The following AP2A1 variants were observed in gnomAD, a reference collection of about 807,000 sequenced individuals.
AP2A1 encodes adaptor related protein complex 2 subunit alpha 1.
AP2A1 carries 21 observed loss-of-function variants against 107.3 expected under a neutral mutation model. That is an observed-to-expected ratio of 0.20 (90% CI 0.14 to 0.28). AP2A1 has a LOEUF of 0.28. AP2A1 is among the 10% of genes least tolerant of loss of function. AP2A1 has a pLI of 1.00. For missense variants in AP2A1, 873 were observed against 1,307.7 expected (o/e 0.67, Z 5.13); for synonymous variants, 602 against 564.8 (o/e 1.07, Z -0.93).
chr19:49,782,734 TG>T lies in AP2A1; in HGVS notation c.473+14del. ...GCATCCTGGTGGCCGGGTAAGGCAC[TG>T]GGGACCCGTTGGCAGTGGGGGGCCT... On this transcript the variant is annotated intron_variant, in intron 4 of 22. Transcript: ENST00000354293. 2 of 1,585,270 alleles carry T rather than the reference TG, an allele frequency of 1.3e-6. No homozygotes were observed. The highest frequency in any genetic ancestry group is 8.5e-7 in the Non-Finnish European group (1 of 1,169,806).
intron 1 of AP2A1, among the ~76,000 whole-genome samples, chr19:49,776,125 C>G (rs555991193): frequency 6.6e-6 from 1 of 152,232 alleles, no homozygotes; most frequent in South Asian, 2.1e-4. Flanking sequence ...TCCCATGGCC[C>G]CCCCCAGCAC....
chr19:49,767,008 A>G lies in AP2A1; in HGVS notation c.-126A>G. 1.9e-6 allele frequency: 1 copy of G among 516,818 alleles called. No individual in the cohort carries two copies. Among genetic ancestry groups the G allele is most frequent in the Non-Finnish European group, 2.8e-6 (1 of 358,818 alleles). 32.0% of individuals were successfully genotyped at this position (516,818 alleles called of 1,614,324 possible). A position where few individuals can be genotyped will look rare whatever the true frequency, so the allele number is the denominator to read the frequency against. On this transcript the variant is annotated 5_prime_UTR_variant, in exon 1 of 23. Coordinates refer to ENST00000354293, the MANE Select transcript of AP2A1 (RefSeq NM_130787.3). Reference sequence around the variant, plus strand: ...CAGCCCGCCCGCCCGCCCGCCAGCCAGCCCTCCCCGCGGCCGGCTCGGCTC... The same window carrying G: ...CAGCCCGCCCGCCCGCCCGCCAGCCGGCCCTCCCCGCGGCCGGCTCGGCTC...
chr19:49,801,519 C>T lies in AP2A1; in HGVS notation c.1683C>T (p.Gly561=), dbSNP rs775031716. The T allele has an allele frequency of 4.3e-6, 7 of 1,613,688 alleles. No individual in the cohort carries two copies. The highest frequency in any genetic ancestry group is 1.1e-5 in the South Asian group (1 of 91,082). The change falls in exon 13 of 23, where the codon GGC becomes GGT. Residue 561 remains glycine (G), a synonymous_variant. Transcript: ENST00000354293. ...CCGAGACCAAGGCCACCATCCAGGG[C>T]GTCCTGCGGGCCGGCTCCCAGCTGC... is the stretch of plus-strand genomic sequence containing the variant. The part of the protein sequence containing the change: ...LFPETKATIQ[G]VLRAGSQLRN...
chr19:49,785,785 C>T lies in AP2A1; in HGVS notation c.473+3061C>T, dbSNP rs923182854. Among the ~76,000 whole-genome samples the T allele has an allele frequency of 1.5e-4, 23 of 151,948 alleles. No homozygotes were observed. The highest frequency in any genetic ancestry group is 2.0e-4 in the Admixed American group (3 of 15,238). ...TACAAAAATTAGTCAGGTGTGGTGG[C>T]GGGCACCTGTAATCCCAGCTACTTG... On this transcript the variant is annotated intron_variant, in intron 4 of 22. Transcript: ENST00000354293. The surrounding 1 kb of genome is among the most constrained non-coding windows in gnomAD (Gnocchi z 4.1).
rs778516695 is a variant in AP2A1 at position 49,788,426 on chromosome 19, G to A, written c.474-3509G>A. Among the ~76,000 whole-genome samples, 9 of 152,218 alleles carry A rather than the reference G, an allele frequency of 5.9e-5. No homozygotes were observed. The highest frequency in any genetic ancestry group is 7.3e-5 in the Non-Finnish European group (5 of 68,042). On this transcript the variant is annotated intron_variant, in intron 4 of 22. Coordinates refer to ENST00000354293, the MANE Select transcript of AP2A1 (RefSeq NM_130787.3). This position sits in a 1 kb window ranked among gnomAD's most constrained non-coding sequence, Gnocchi z 4.5. Reference sequence around the variant, plus strand: ...AGAATCCGCGTCCTTAGAGGGCTGTGGTGGGGAGCGAGCGAGCTGTGCGGG... The same window carrying A: ...AGAATCCGCGTCCTTAGAGGGCTGTAGTGGGGAGCGAGCGAGCTGTGCGGG...
At chr19:49,784,606 A>C (rs2084716229) in intron 4 of AP2A1, among the ~76,000 whole-genome samples, 1 of 152,030 alleles carries the variant, frequency 6.6e-6, no homozygotes, top group Non-Finnish European at 1.5e-5. Flanking sequence ...CAGGCACAGT[A>C]GTGGCTTACA....
At chr19:49,771,324 A>AAAGAAAGG (rs2084555213) in intron 1 of AP2A1, among the ~76,000 whole-genome samples, 1 of 151,420 alleles carries the variant, frequency 6.6e-6, no homozygotes, top group Non-Finnish European at 1.5e-5. Flanking sequence ...AAAAAAAAAA[A>AAAGAAAGG]AAGAAAGGTC....
intron 1 of AP2A1, among the ~76,000 whole-genome samples, chr19:49,780,325 G>A (rs759209190): frequency 6.6e-6 from 1 of 152,240 alleles, no homozygotes; most frequent in East Asian, 1.9e-4. Flanking sequence ...GAAGTGAAAC[G>A]GAACGGCCTT....
chr19:49,771,423 G>A (rs139821038), intron 1 of AP2A1, among the ~76,000 whole-genome samples: 73 of 144,430 alleles, frequency 5.1e-4, no homozygotes, highest in African/African-American at 1.8e-3. Context: ...CAATTTTATG[G>A]TATGTGAATT....
Position 49,768,084 on chromosome 19 carries a change from G to T in AP2A1, c.67+884G>T, listed in dbSNP as rs1313814096. On this transcript the variant is annotated intron_variant, in intron 1 of 22. Transcript: ENST00000354293. ...CGTTGGGTTCTGAAGTGCTTGAGGG[G>T]TAGATATCTGGAAAGCTGGGAATAG... 2.0e-5 allele frequency among the ~76,000 whole-genome samples: 3 copies of T among 152,030 alleles called. No homozygotes were observed. In the East Asian group the frequency reaches 5.8e-4, roughly 29 times the overall value.
At chr19:49,806,397 C>T (rs1352195065) in intron 22 of AP2A1, 144 bp downstream of exon 22, 4 of 1,437,778 alleles carry the variant, frequency 2.8e-6, no homozygotes, top group African/African-American at 2.9e-5. Flanking sequence ...TTTTACTCCT[C>T]TTTATCTATC....
intron 6 of AP2A1, among the ~76,000 whole-genome samples, chr19:49,794,999 C>T (rs1255987588): frequency 6.6e-6 from 1 of 152,192 alleles, no homozygotes; most frequent in Non-Finnish European, 1.5e-5. Flanking sequence ...CCTGCCTCTT[C>T]CCCGAACCTC....
intron 1 of AP2A1, among the ~76,000 whole-genome samples, chr19:49,779,295 C>T (rs2084648184): frequency 6.7e-6 from 1 of 149,008 alleles, no homozygotes; most frequent in Non-Finnish European, 1.5e-5. Context: ...TGAAATTGCG[C>T]CACTGCACTC....
In AP2A1 at chr19:49,790,556, G is replaced by A. The variant is rs534881170; in HGVS notation, c.474-1379G>A. On this transcript the variant is annotated intron_variant, in intron 4 of 22. Coordinates refer to ENST00000354293, the MANE Select transcript of AP2A1 (RefSeq NM_130787.3). Reference sequence around the variant, plus strand: ...TGGGTCTACAGGCATGCGCCACCACGCTTGGCTAATTCTCATATTTCTAGT... The same window carrying A: ...TGGGTCTACAGGCATGCGCCACCACACTTGGCTAATTCTCATATTTCTAGT... Among the ~76,000 whole-genome samples, 11 of 152,140 alleles carry A rather than the reference G, an allele frequency of 7.2e-5. No individual in the cohort carries two copies. The East Asian group carries it at 9.7e-4, about 13-fold the overall frequency.
At position 49,799,650 on chromosome 19, in the gene AP2A1, C is replaced by T. The variant is rs1010858993; in HGVS notation, c.1156C>T (p.Arg386Trp). The change falls in exon 10 of 23, where the codon CGG becomes TGG. Residue 386 changes from arginine to tryptophan, a missense_variant. Physicochemically the swap from Arg to Trp is moderately radical, Grantham distance 101 (BLOSUM62 -3). Transcript: ENST00000354293. ...ALKTERDVSV[R>W]QRAADLLYAM... ...TCAGACGGAGCGGGACGTCAGCGTG[C>T]GGCAGCGGGCGGCTGACCTCCTCTA... The T allele has an allele frequency of 1.2e-6, 2 of 1,611,064 alleles. No homozygotes were observed. The highest frequency in any genetic ancestry group is 1.7e-6 in the Non-Finnish European group (2 of 1,179,810).
rs766092940 is a variant in AP2A1, at chr19:49,782,712, T to C, written c.461T>C (p.Ile154Thr). The change falls in exon 4 of 23, where the codon ATC (isoleucine) becomes ACC (threonine). Residue 154 changes from isoleucine (I) to threonine (T), a missense_variant. Physicochemically the swap from Ile to Thr is moderately conservative, Grantham distance 89. Coordinates refer to ENST00000354293, the MANE Select transcript of AP2A1 (RefSeq NM_130787.3). Reference sequence around the variant, plus strand: ...GCCTTTGCCGCTGACATCCCCCGCATCCTGGTGGCCGGGTAAGGCACTGGG... The same window carrying C: ...GCCTTTGCCGCTGACATCCCCCGCACCCTGGTGGCCGGGTAAGGCACTGGG... The part of the protein sequence containing the change: ...GEAFAADIPR[I>T]LVAGDSMDSV... 3 of 1,602,784 alleles carry C rather than the reference T, an allele frequency of 1.9e-6. No homozygotes were observed. Among genetic ancestry groups the C allele is most frequent in the Non-Finnish European group, 2.5e-6 (3 of 1,177,156 alleles).
At position 49,767,016 on chromosome 19, in the gene AP2A1, C is replaced by T. The variant is rs1332334218; in HGVS notation, c.-118C>T. The stretch of plus-strand genomic sequence containing the variant: ...CCGCCCGCCCGCCAGCCAGCCCTCC[C>T]CGCGGCCGGCTCGGCTCCTTGGCGC... On this transcript the variant is annotated 5_prime_UTR_variant, in exon 1 of 23. Transcript: ENST00000354293. 5 of 1,111,642 alleles carry T rather than the reference C, an allele frequency of 4.5e-6. No individual in the cohort carries two copies. The Admixed American group carries it at 1.7e-4, about 37-fold the overall frequency. The allele number at this position is 1,111,642 out of a possible 1,614,324, so 68.9% of individuals were successfully genotyped here.
At position 49,798,902 on chromosome 19, in the gene AP2A1, C is replaced by G. The variant is rs1173615007; in HGVS notation, c.915C>G (p.Ala305=). ...PKSKKVQHSN[A]KNAILFETIS... Reference sequence around the variant, plus strand: ...CCAAGAAGGTGCAGCATTCCAACGCCAAGAACGCCATCCTCTTCGAGACCA... The same window carrying G: ...CCAAGAAGGTGCAGCATTCCAACGCGAAGAACGCCATCCTCTTCGAGACCA... Residue 305 remains alanine (A), a synonymous_variant, in exon 8 of 23, where the codon GCC becomes GCG. Transcript: ENST00000354293. 1.3e-6 allele frequency: 2 copies of G among 1,565,594 alleles called. No homozygotes were observed. The highest frequency in any genetic ancestry group is 1.2e-5 in the South Asian group (1 of 84,974).
intron 18 of AP2A1, chr19:49,804,756 T>C (rs553977168): frequency 1.3e-5 from 2 of 152,320 alleles, no homozygotes; most frequent in Admixed American, 1.3e-4. Context: ...TTCTTTTCTT[T>C]TTTTAAATAG....
Sources: gnomAD v4.1 joint callset for allele counts (sites outside exome capture counted in the v4.1 genomes callset) on GRCh38, gnomAD v4.1.1 for gene constraint, Gnocchi (gnomAD v3.1) non-coding constraint, MANE v1.5 for transcripts, NCBI Gene and HGNC (gene_info 2026-07-23, HGNC 2026-07-21) for gene names.